The following NRG3 variants were observed in gnomAD, a reference collection of about 807,000 sequenced individuals.
The protein encoded by NRG3 is pro-neuregulin-3, membrane-bound isoform.
A neutral mutation model predicts 66.9 loss-of-function variants in NRG3; 31 were observed. The observed-to-expected ratio is 0.46, with a 90% CI of 0.35 to 0.63. NRG3 has a LOEUF of 0.63. NRG3 is among the 20% of genes least tolerant of loss of function. NRG3 has a pLI of 0.00. For synonymous variants in NRG3, 393 were observed against 359.4 expected (o/e 1.09, Z -1.06); for missense variants, 910 against 878.9 (o/e 1.04, Z -0.45).
chr10:82,208,076 A>G (rs1378363032), intron 1 of NRG3, among the ~76,000 whole-genome samples: 5 of 152,188 alleles, frequency 3.3e-5, no homozygotes, highest in Non-Finnish European at 7.3e-5. Flanking sequence ...AACAATTATG[A>G]TCACAATTTA....
At chr10:82,840,951 G>A (rs1487244143) in intron 3 of NRG3, among the ~76,000 whole-genome samples, 1 of 151,958 alleles carries the variant, frequency 6.6e-6, no homozygotes, top group Admixed American at 6.6e-5. Flanking sequence ...TACCTGTATC[G>A]TAATGTAATA....
At chr10:82,715,323 G>A (rs139640834) in intron 2 of NRG3, among the ~76,000 whole-genome samples, 216 of 152,210 alleles carry the variant, frequency 1.4e-3, no homozygotes, top group Non-Finnish European at 2.4e-3. Context: ...CCTTGAACCC[G>A]GAGGCAGAGG....
intron 1 of NRG3, among the ~76,000 whole-genome samples, chr10:82,076,205 G>A (rs552675488): frequency 3.3e-5 from 5 of 152,150 alleles, no homozygotes; most frequent in Non-Finnish European, 7.4e-5. Context: ...TCTTCACAGT[G>A]CAGGTCTTAA....
intron 2 of NRG3, among the ~76,000 whole-genome samples, chr10:82,566,588 A>G (rs1012433679): frequency 1.3e-5 from 2 of 151,980 alleles, no homozygotes; most frequent in South Asian, 2.1e-4. Flanking sequence ...ACCCATTGGG[A>G]CAGAAAGGGA....
chr10:82,585,380 T>C (rs1203198031), intron 2 of NRG3, among the ~76,000 whole-genome samples: 1 of 152,172 alleles, frequency 6.6e-6, no homozygotes, highest in Non-Finnish European at 1.5e-5. Context: ...ACTCTAAGTC[T>C]GTGTGAGTTT....
Position 82,360,811 on chromosome 10 carries a change from G to A in NRG3, c.953+1943G>A, listed in dbSNP as rs367771105. On this transcript the variant is annotated intron_variant, in intron 2 of 8. Transcript: ENST00000372141. ...TGGTCAAGGAGATGTACCTTATTATGTTTCCTCTGTAGGTGTTTGTGTTCA... is the reference window on the plus strand; with the variant it reads ...TGGTCAAGGAGATGTACCTTATTATATTTCCTCTGTAGGTGTTTGTGTTCA... Among the ~76,000 whole-genome samples the A allele has an allele frequency of 2.4e-4, 37 of 151,712 alleles. 1 individual carries two copies. The East Asian group carries it at 4.3e-3, about 17-fold the overall frequency.
intron 2 of NRG3, among the ~76,000 whole-genome samples, chr10:82,602,630 A>G (rs1172641733): frequency 6.6e-6 from 1 of 152,182 alleles, no homozygotes. Flanking sequence ...TACAAAATCT[A>G]TGTCCACCTA....
chr10:82,370,689 G>T (rs2084827781), intron 2 of NRG3, among the ~76,000 whole-genome samples: 1 of 152,044 alleles, frequency 6.6e-6, no homozygotes. Context: ...CCAACTCTGT[G>T]TCAGTGCACG....
intron 1 of NRG3, among the ~76,000 whole-genome samples, chr10:82,016,423 G>T (rs534446935): frequency 1.6e-4 from 25 of 152,168 alleles, no homozygotes; most frequent in Admixed American, 8.5e-4. Flanking sequence ...GAAAATGGCA[G>T]GCAGTAAGCA....
intron 4 of NRG3, among the ~76,000 whole-genome samples, chr10:82,882,605 G>C (rs1842403178): frequency 6.6e-6 from 1 of 152,164 alleles, no homozygotes; most frequent in African/African-American, 2.4e-5. Flanking sequence ...TAAGTTCCTT[G>C]TTTAGGTCTC....
chr10:82,329,732 CT>C (rs1205316781), intron 1 of NRG3, among the ~76,000 whole-genome samples: 9 of 152,108 alleles, frequency 5.9e-5, no homozygotes, highest in African/African-American at 1.2e-4. Context: ...GTCTAATGTG[CT>C]TTTATCTTGG....
chr10:82,714,605 A>T (rs1342196310), intron 2 of NRG3, among the ~76,000 whole-genome samples: 2 of 152,190 alleles, frequency 1.3e-5, no homozygotes, highest in East Asian at 3.8e-4. Flanking sequence ...TATAAAATGG[A>T]TGATACCTTA....
At chr10:81,942,748 C>G (rs1434398091) in intron 1 of NRG3, among the ~76,000 whole-genome samples, 1 of 152,086 alleles carries the variant, frequency 6.6e-6, no homozygotes. Flanking sequence ...ACCAGGTGGA[C>G]TTTCACATTA....
At chr10:82,196,702 C>A (rs1274743148) in intron 1 of NRG3, among the ~76,000 whole-genome samples, 7 of 152,166 alleles carry the variant, frequency 4.6e-5, no homozygotes, top group Non-Finnish European at 2.9e-5. Context: ...ACAATTCCAG[C>A]TCTCACTGTA....
chr10:82,825,376 T>C (rs575187029), intron 3 of NRG3, among the ~76,000 whole-genome samples: 1 of 152,366 alleles, frequency 6.6e-6, no homozygotes, highest in African/African-American at 2.4e-5. Flanking sequence ...CCCAATACTT[T>C]ACAGGTATTG....
At chr10:82,345,809 T>G (rs1393475752) in intron 1 of NRG3, among the ~76,000 whole-genome samples, 6 of 151,088 alleles carry the variant, frequency 4.0e-5, no homozygotes, top group African/African-American at 1.5e-4. Context: ...CCTAGGTATT[T>G]TATTCTCTTT....
At chr10:81,965,291 T>C (rs2059689741) in intron 1 of NRG3, among the ~76,000 whole-genome samples, 1 of 152,354 alleles carries the variant, frequency 6.6e-6, no homozygotes, top group African/African-American at 2.4e-5. Context: ...AATTCTTCCA[T>C]CTTTCTATCT....
chr10:82,136,911 C>T (rs1254293882), intron 1 of NRG3, among the ~76,000 whole-genome samples: 1 of 152,190 alleles, frequency 6.6e-6, no homozygotes, highest in African/African-American at 2.4e-5. Context: ...ATTCTTCATA[C>T]CACGTGGCTG....
chr10:82,684,004 A>G (rs1441830906), intron 2 of NRG3, among the ~76,000 whole-genome samples: 1 of 135,136 alleles, frequency 7.4e-6, no homozygotes, highest in Non-Finnish European at 1.6e-5. Flanking sequence ...GGCTTCCCGG[A>G]ATGTGCTGTG....
Sources: allele counts gnomAD v4.1 joint callset (sites outside exome capture counted in the v4.1 genomes callset), GRCh38; gene constraint gnomAD v4.1.1; transcripts MANE v1.5; gene names NCBI Gene and HGNC (gene_info 2026-07-23, HGNC 2026-07-21).